The following CLVS1 variants were observed in gnomAD, a reference collection of about 807,000 sequenced individuals.
CLVS1 encodes the protein clavesin 1.
Under a neutral mutation model 33.1 loss-of-function variants are expected in CLVS1, and 10 were observed. That is an observed-to-expected ratio of 0.30 (90% CI 0.19 to 0.51). The LOEUF (loss-of-function observed/expected upper bound fraction) is 0.51. Among genes scored for constraint, CLVS1 ranks in the 20% least tolerant of loss-of-function variants. CLVS1 has a pLI of 0.97. For missense variants in CLVS1, 343 were observed against 433.4 expected, an observed-to-expected ratio of 0.79 and a Z score of 1.85; for synonymous variants, 163 against 166.1, an observed-to-expected ratio of 0.98 and a Z score of 0.14.
At chr8:61,453,494 G>A (rs1023336427) in intron 3 of CLVS1, among the ~76,000 whole-genome samples, 1 of 152,234 alleles carries the variant, frequency 6.6e-6, no homozygotes, top group Non-Finnish European at 1.5e-5. Context: ...AGCGGAATCA[G>A]CTAGCCCATT....
intron 2 of CLVS1, among the ~76,000 whole-genome samples, chr8:61,139,256 G>A (rs1252152952): frequency 1.3e-5 from 2 of 152,186 alleles, no homozygotes; most frequent in African/African-American, 4.8e-5. Flanking sequence ...GAGGCGCCGC[G>A]GGGGCAGCGG....
intron 5 of CLVS1, among the ~76,000 whole-genome samples, chr8:61,476,395 C>T (rs1817933478): frequency 2.0e-5 from 3 of 152,238 alleles, no homozygotes; most frequent in South Asian, 4.1e-4. Flanking sequence ...GGCAGTATGG[C>T]CATTTTCATG....
intron 3 of CLVS1, chr8:61,378,373 C>T (rs1373385165): frequency 6.6e-6 from 1 of 152,028 alleles, no homozygotes; most frequent in East Asian, 1.9e-4. Flanking sequence ...TTGATGTGAA[C>T]CTACTGAGAT....
At chr8:61,232,022 G>GTTTTTTTTTTTTTTTTTTTTTTTTTT (rs376185436) in intron 2 of CLVS1, among the ~76,000 whole-genome samples, 4 of 117,070 alleles carry the variant, frequency 3.4e-5, no homozygotes, top group African/African-American at 1.3e-4. Flanking sequence ...GGAAAGTTGT[G>GTTTTTTTTTTTTTTTTTTTTTTTTTT]GTTTTTTTTT....
At chr8:61,217,651 A>C (rs1248872417) in intron 2 of CLVS1, among the ~76,000 whole-genome samples, 1 of 152,202 alleles carries the variant, frequency 6.6e-6, no homozygotes, top group Non-Finnish European at 1.5e-5. Context: ...AAGTAGTCAA[A>C]GTAGTTGATT....
At chr8:61,094,221 C>T (rs756438131) in intron 1 of CLVS1, among the ~76,000 whole-genome samples, 5 of 152,256 alleles carry the variant, frequency 3.3e-5, no homozygotes, top group Middle Eastern at 6.8e-3. Flanking sequence ...GCTTGGGAAG[C>T]GGGAGGTGGG....
rs552978418 is a variant in CLVS1, at chr8:61,075,771, C to T, written c.-243+18541C>T. 4.3e-4 allele frequency among the ~76,000 whole-genome samples: 65 copies of T among 152,322 alleles called. No individual in the cohort carries two copies. The East Asian group carries it at 5.0e-3, about 12-fold the overall frequency. On this transcript the variant is annotated intron_variant, in intron 1 of 2. Transcript: ENST00000522621. ...AGTGTGGCTGATACAAGGCTGGTAC[C>T]ACTGTGCTGCCTTTGCCTCCTCCCT...
intron 5 of CLVS1, among the ~76,000 whole-genome samples, chr8:61,487,942 C>T (rs1205816207): frequency 1.3e-5 from 2 of 152,162 alleles, no homozygotes; most frequent in African/African-American, 4.8e-5. Context: ...GTTTGTTCTA[C>T]CAAAGTAACT....
At chr8:61,110,533 T>C (rs1462335222) in intron 1 of CLVS1, among the ~76,000 whole-genome samples, 1 of 152,220 alleles carries the variant, frequency 6.6e-6, no homozygotes, top group African/African-American at 2.4e-5. Flanking sequence ...TTTTTTAATT[T>C]AATTGTGGTA....
chr8:61,162,002 A>T (rs1563426326), intron 2 of CLVS1, among the ~76,000 whole-genome samples: 13 of 152,164 alleles, frequency 8.5e-5, no homozygotes, highest in African/African-American at 3.1e-4. Context: ...ACAAAAAAAA[A>T]AAACGTAGTG....
intron 2 of CLVS1, among the ~76,000 whole-genome samples, chr8:61,339,254 C>T (rs1229180967): frequency 1.3e-5 from 2 of 152,086 alleles, no homozygotes; most frequent in South Asian, 2.1e-4. Context: ...CGACCCCTTG[C>T]CTGCCCCGTC....
At chr8:61,177,276 G>T (rs1033244424) in intron 2 of CLVS1, among the ~76,000 whole-genome samples, 4 of 152,092 alleles carry the variant, frequency 2.6e-5, no homozygotes, top group Admixed American at 6.5e-5. Flanking sequence ...ACTGGGCAGG[G>T]CCTCCCTGCA....
At chr8:61,179,026 G>T (rs1807176950) in intron 2 of CLVS1, among the ~76,000 whole-genome samples, 5 of 152,166 alleles carry the variant, frequency 3.3e-5, no homozygotes, top group Admixed American at 3.3e-4. Context: ...TAGGCTAAAT[G>T]CTCCAATTAA....
At chr8:61,200,863 A>G (rs1376992581) in intron 2 of CLVS1, among the ~76,000 whole-genome samples, 1 of 151,914 alleles carries the variant, frequency 6.6e-6, no homozygotes, top group Non-Finnish European at 1.5e-5. Flanking sequence ...ACTCTTATTG[A>G]TTGTTGATTT....
At chr8:61,166,132 ATT>A (rs201835615) in intron 2 of CLVS1, among the ~76,000 whole-genome samples, 22 of 128,888 alleles carry the variant, frequency 1.7e-4, no homozygotes, top group East Asian at 4.4e-4. Flanking sequence ...TATTTATTTT[ATT>A]TTTTTTTTTT....
intron 3 of CLVS1, among the ~76,000 whole-genome samples, chr8:61,379,391 C>G (rs1263892765): frequency 4.2e-4 from 64 of 151,712 alleles, no homozygotes; most frequent in African/African-American, 1.4e-3. Flanking sequence ...CACCCTCCCC[C>G]ATCTCCACCA....
chr8:61,278,666 T>C (rs1036561195), intron 2 of CLVS1, among the ~76,000 whole-genome samples: 1 of 152,236 alleles, frequency 6.6e-6, no homozygotes, highest in Non-Finnish European at 1.5e-5. Flanking sequence ...ATAGATAAAA[T>C]ATATTTTTCT....
intron 1 of CLVS1, among the ~76,000 whole-genome samples, chr8:61,106,056 G>T (rs934827213): frequency 6.6e-6 from 1 of 152,194 alleles, no homozygotes; most frequent in Non-Finnish European, 1.5e-5. Flanking sequence ...TCATGCTATA[G>T]TTATTTGCCT....
intron 2 of CLVS1, chr8:61,202,438 C>T: frequency 9.0e-6 from 7 of 781,788 alleles, no homozygotes; most frequent in Non-Finnish European, 1.6e-5. Flanking sequence ...CAAAGATTGT[C>T]ACTTTAAGGT....
Sources: allele counts gnomAD v4.1 joint callset (sites outside exome capture counted in the v4.1 genomes callset), GRCh38; gene constraint gnomAD v4.1.1; transcripts MANE v1.5; gene names NCBI Gene and HGNC (gene_info 2026-07-23, HGNC 2026-07-21).